Variants in EYA3 observed in about 807,000 individuals in gnomAD.
EYA3 encodes the protein protein phosphatase EYA3.
EYA3 carries 39 observed loss-of-function variants against 80.0 expected under a neutral mutation model. The ratio of observed to expected loss-of-function variants is 0.49; its 90% CI spans 0.38 to 0.64. The LOEUF (loss-of-function observed/expected upper bound fraction) is 0.64, where lower values mean the gene tolerates loss of function less well. Ranked by LOEUF, EYA3 falls within the 30% of genes least tolerant of loss-of-function variation. The pLI is 0.00. For synonymous variants in EYA3, 206 were observed against 232.8 expected, an observed-to-expected ratio of 0.88 and a Z score of 1.05; for missense variants, 523 against 676.1, an observed-to-expected ratio of 0.77 and a Z score of 2.51.
intron 10 of EYA3, among the ~76,000 whole-genome samples, chr1:28,006,933 T>A (rs891445854): frequency 1.4e-4 from 17 of 121,750 alleles, no homozygotes; most frequent in Non-Finnish European, 2.9e-4. Flanking sequence ...GATGACATAA[T>A]CTTTTTTTTT....
chr1:28,012,756 T>C (rs1337826428), intron 9 of EYA3, among the ~76,000 whole-genome samples: 1 of 152,166 alleles, frequency 6.6e-6, no homozygotes, highest in Non-Finnish European at 1.5e-5. Context: ...TCTGAGGCCT[T>C]AGCAGCAGTT....
At chr1:28,087,237 A>T (rs539109211) in intron 1 of EYA3, among the ~76,000 whole-genome samples, 1 of 152,328 alleles carries the variant, frequency 6.6e-6, no homozygotes, top group African/African-American at 2.4e-5. Flanking sequence ...ATTAAATGCA[A>T]TTCCTTCATG....
intron 1 of EYA3, among the ~76,000 whole-genome samples, chr1:28,064,996 T>C (rs1644778911): frequency 6.6e-6 from 1 of 152,254 alleles, no homozygotes; most frequent in East Asian, 1.9e-4. Flanking sequence ...CTGCAGATCA[T>C]TGTAAATGTA....
At chr1:28,011,107 A>G (rs1463161487) in intron 9 of EYA3, 21 bp from the exon 10 acceptor site, 1 of 1,608,460 alleles carries the variant, frequency 6.2e-7, no homozygotes, top group Admixed American at 1.7e-5. Flanking sequence ...AAAGTGAAAC[A>G]TATGTTGTCA....
intron 7 of EYA3, among the ~76,000 whole-genome samples, chr1:28,025,584 A>G (rs971694717): frequency 1.3e-5 from 2 of 152,212 alleles, no homozygotes; most frequent in African/African-American, 4.8e-5. Flanking sequence ...TCCACTGCTT[A>G]GAAAAATGTC....
chr1:28,042,653 G>C lies in EYA3; in HGVS notation c.78-3C>G. 1 of 1,613,506 alleles carries C rather than the reference G, an allele frequency of 6.2e-7. No individual in the cohort carries two copies. Among genetic ancestry groups the C allele is most frequent in the Non-Finnish European group, 8.5e-7 (1 of 1,179,442 alleles). On this transcript the variant is annotated splice_region_variant and splice_polypyrimidine_tract_variant and intron_variant, in intron 3 of 17. Transcript: ENST00000373871. ...TGACATCTGGATTGCTTACTTGACT[G>C]GGAGAACCAAAATGAATACATTAGC...
intron 16 of EYA3, among the ~76,000 whole-genome samples, chr1:27,979,481 T>C (rs1639163430): frequency 1.3e-5 from 2 of 152,218 alleles, no homozygotes; most frequent in South Asian, 4.1e-4. Flanking sequence ...TTTAAATCCA[T>C]TTCTCAGAAC....
intron 16 of EYA3, among the ~76,000 whole-genome samples, chr1:27,986,398 C>CT (rs1639658572): frequency 7.1e-6 from 1 of 141,290 alleles, no homozygotes; most frequent in African/African-American, 2.6e-5. Context: ...ACTCTCTTAA[C>CT]ATTTTTTTTT....
At chr1:27,992,068 TA>T (rs950492936) in intron 14 of EYA3, among the ~76,000 whole-genome samples, 2 of 152,242 alleles carry the variant, frequency 1.3e-5, no homozygotes, top group African/African-American at 4.8e-5. Context: ...CCATGATTTT[TA>T]TCTGGTATTA....
At chr1:28,005,600 A>C (rs751004628) in intron 10 of EYA3, among the ~76,000 whole-genome samples, 9 of 152,020 alleles carry the variant, frequency 5.9e-5, no homozygotes, top group Non-Finnish European at 1.0e-4. Context: ...CGGTAGTCCC[A>C]GCTACTTGGG....
chr1:28,017,824 A>C (rs565721280), intron 7 of EYA3, among the ~76,000 whole-genome samples: 1 of 152,332 alleles, frequency 6.6e-6, no homozygotes, highest in East Asian at 1.9e-4. Context: ...TTTAACAATG[A>C]GCCTGGAAAA....
chr1:28,087,770 C>T (rs1645715941), intron 1 of EYA3, among the ~76,000 whole-genome samples: 2 of 152,236 alleles, frequency 1.3e-5, no homozygotes, highest in African/African-American at 2.4e-5. Flanking sequence ...TCGCGCCAGC[C>T]CAACTGCTAG....
intron 1 of EYA3, among the ~76,000 whole-genome samples, chr1:28,065,166 C>T (rs935512708): frequency 1.1e-4 from 16 of 152,222 alleles, no homozygotes; most frequent in African/African-American, 3.9e-4. Context: ...GCAGTTTTCA[C>T]ACACTGTGTG....
chr1:28,039,891 G>C (rs1294009623), intron 4 of EYA3, among the ~76,000 whole-genome samples: 2 of 152,124 alleles, frequency 1.3e-5, no homozygotes, highest in African/African-American at 4.8e-5. Flanking sequence ...CTAAAGTTTT[G>C]ACAATCCATT....
chr1:28,056,532 T>C (rs1644444704), intron 2 of EYA3, among the ~76,000 whole-genome samples: 2 of 152,238 alleles, frequency 1.3e-5, no homozygotes, highest in Admixed American at 1.3e-4. Context: ...ATCACCTTTT[T>C]ATATTAAGAT....
intron 1 of EYA3, among the ~76,000 whole-genome samples, chr1:28,062,694 TC>T (rs900272674): frequency 1.9e-4 from 17 of 91,670 alleles, no homozygotes; most frequent in Admixed American, 1.5e-3. Flanking sequence ...GTGTGTGTGT[TC>T]TGTTTGTTTA....
At chr1:28,027,744 CAATAAT>C (rs550252834) in intron 7 of EYA3, 39 bp downstream of exon 7, 6 of 1,609,230 alleles carry the variant, frequency 3.7e-6, no homozygotes, top group Non-Finnish European at 5.1e-6. Context: ...AAACAAGAAA[CAATAAT>C]AATAATTTTA....
chr1:27,987,413 G>C (rs1357791928), intron 16 of EYA3, among the ~76,000 whole-genome samples: 1 of 152,128 alleles, frequency 6.6e-6, no homozygotes, highest in Non-Finnish European at 1.5e-5. Context: ...CAATAATGCT[G>C]CTATAAACAT....
chr1:27,997,249 C>T (rs1293564100), intron 13 of EYA3, 71 bp downstream of exon 13: 1 of 1,397,708 alleles, frequency 7.2e-7, no homozygotes, highest in Middle Eastern at 1.8e-4. Flanking sequence ...CTTTGTTTTC[C>T]TCCAAACCTA....
Sources: allele counts gnomAD v4.1 joint callset (sites outside exome capture counted in the v4.1 genomes callset), GRCh38; gene constraint gnomAD v4.1.1; transcripts MANE v1.5; gene names NCBI Gene and HGNC (gene_info 2026-07-23, HGNC 2026-07-21).